MAP3K9: variants seen among roughly 807,000 people sequenced by gnomAD.
MAP3K9 encodes the protein mixed lineage kinase 1 (tyr and ser/thr specificity).
Under a neutral mutation model 95.8 loss-of-function variants are expected in MAP3K9, and 46 were observed. That is an observed-to-expected ratio of 0.48 (90% CI 0.38 to 0.61). The LOEUF is 0.61. Among genes scored for constraint, MAP3K9 ranks in the 20% least tolerant of loss-of-function variants. The probability of loss-of-function intolerance (pLI) is 0.00; values close to 1 mark genes in which losing one functional copy is unlikely to be tolerated. For missense variants in MAP3K9, 1,296 were observed against 1,474.3 expected (o/e 0.88, Z 1.98); for synonymous variants, 533 against 593.8 (o/e 0.90, Z 1.49).
rs1266675185 is a variant in MAP3K9 at position 70,800,712 on chromosome 14, C to T, written c.775G>A (p.Glu259Lys). 3 of 1,614,050 alleles carry T rather than the reference C, an allele frequency of 1.9e-6. No homozygotes were observed. The highest frequency in any genetic ancestry group is 1.3e-5 in the African/African-American group (1 of 74,932). ...CGGTGGATGATGGGAACAATTGCCT[C>T]ATCATGTAAGTAGTTCATCCCTCTG... ...IARGMNYLHDEAIVPIIHRDL... is the reference protein window; with the variant it reads ...IARGMNYLHDKAIVPIIHRDL... The change falls in exon 2 of 12, where the codon GAG (glutamate) becomes AAG (lysine). Residue 259 changes from glutamate to lysine, a missense_variant. Glu to Lys is a moderately conservative substitution (Grantham distance 56, BLOSUM62 1). This residue lies in a region of MAP3K9 where 338 missense variants were observed against 363.4 expected (regional missense o/e 0.93). Coordinates refer to ENST00000554752, the MANE Select transcript of MAP3K9 (RefSeq NM_001284230.2).
rs138248972 is a variant in MAP3K9 at position 70,796,079 on chromosome 14, T to C, written c.820+4588A>G. 9.8e-4 allele frequency among the ~76,000 whole-genome samples: 149 copies of C among 152,308 alleles called. 1 individual carries two copies. The highest frequency in any genetic ancestry group is 1.9e-3 in the Non-Finnish European group (130 of 68,030). On this transcript the variant is annotated intron_variant, in intron 2 of 11. Transcript: ENST00000554752. ...CACTTATATAACTTTTAATGGCCACTATTAAACTGCTCTTCTGCCCAATGC... is the reference window on the plus strand; with the variant it reads ...CACTTATATAACTTTTAATGGCCACCATTAAACTGCTCTTCTGCCCAATGC...
intron 3 of MAP3K9, among the ~76,000 whole-genome samples, chr14:70,751,348 T>A (rs573027246): frequency 5.3e-5 from 8 of 152,324 alleles, no homozygotes; most frequent in African/African-American, 1.9e-4. Flanking sequence ...TGGCTCTCCT[T>A]ATGTTTTCAA....
At chr14:70,807,287 T>TC (rs1434896687) in intron 1 of MAP3K9, among the ~76,000 whole-genome samples, 1 of 152,220 alleles carries the variant, frequency 6.6e-6, no homozygotes, top group East Asian at 1.9e-4. Flanking sequence ...GGTCAGGAGT[T>TC]CGAGACCAGT....
chr14:70,750,398 G>A (rs2054208687), intron 3 of MAP3K9, among the ~76,000 whole-genome samples: 2 of 152,158 alleles, frequency 1.3e-5, no homozygotes, highest in South Asian at 4.1e-4. Context: ...GTCTGGCAAG[G>A]CTATTGTTGA....
chr14:70,786,081 T>C (rs1411412394), intron 2 of MAP3K9, among the ~76,000 whole-genome samples: 1 of 152,208 alleles, frequency 6.6e-6, no homozygotes, highest in Non-Finnish European at 1.5e-5. Context: ...GTTACACTAA[T>C]AATCTTAAGT....
At chr14:70,783,497 G>C in intron 2 of MAP3K9, 5 of 774,302 alleles carry the variant, frequency 6.5e-6, no homozygotes, top group Non-Finnish European at 7.8e-6. Context: ...CCATCACAAA[G>C]CTCTAAAGTT....
rs748168480 is a variant in MAP3K9, at chr14:70,738,409, C to T, written c.1691-11G>A. ...TTTCACCTGGTGTCACTGTGAATCA[C>T]AAGGGTTGGATAGGATCTAGAAAAT... On this transcript the variant is annotated splice_polypyrimidine_tract_variant and intron_variant, in intron 7 of 11. Coordinates refer to ENST00000554752, the MANE Select transcript of MAP3K9 (RefSeq NM_001284230.2). 2 of 1,613,334 alleles carry T rather than the reference C, an allele frequency of 1.2e-6. No homozygotes were observed. Among genetic ancestry groups the T allele is most frequent in the Admixed American group, 1.7e-5 (1 of 59,912 alleles).
intron 2 of MAP3K9, among the ~76,000 whole-genome samples, chr14:70,768,312 A>C: frequency 6.6e-6 from 1 of 152,286 alleles, no homozygotes; most frequent in Middle Eastern, 3.4e-3. Context: ...AATTAAAAAA[A>C]AATTTAAAGA....
intron 1 of MAP3K9, among the ~76,000 whole-genome samples, chr14:70,808,045 G>C (rs1048020686): frequency 1.3e-5 from 2 of 152,228 alleles, no homozygotes; most frequent in African/African-American, 4.8e-5. Flanking sequence ...TTCAGCCACT[G>C]TACCTTGCAA....
intron 1 of MAP3K9, among the ~76,000 whole-genome samples, chr14:70,803,749 C>G (rs1193736860): frequency 1.3e-5 from 2 of 152,174 alleles, no homozygotes; most frequent in African/African-American, 4.8e-5. Context: ...AGGTTATCAC[C>G]TTATCCAGCA....
intron 2 of MAP3K9, among the ~76,000 whole-genome samples, chr14:70,787,777 GT>G (rs112330402): frequency 0.014 from 2,142 of 152,174 alleles, 58 homozygotes; most frequent in African/African-American, 0.048. Context: ...CAGTAAAAGT[GT>G]TTTGAGTCCA....
intron 2 of MAP3K9, among the ~76,000 whole-genome samples, chr14:70,767,877 G>A (rs536681188): frequency 1.1e-4 from 16 of 152,162 alleles, no homozygotes; most frequent in Middle Eastern, 3.4e-3. Context: ...TGTATTGACC[G>A]GTTGGTCTTG....
intron 6 of MAP3K9, among the ~76,000 whole-genome samples, chr14:70,740,438 G>A (rs1278258029): frequency 6.6e-6 from 1 of 152,214 alleles, no homozygotes; most frequent in Non-Finnish European, 1.5e-5. Context: ...AGTTCAAGCA[G>A]TTATGTATTA....
At chr14:70,788,905 T>G (rs543618021) in intron 2 of MAP3K9, among the ~76,000 whole-genome samples, 58 of 152,274 alleles carry the variant, frequency 3.8e-4, no homozygotes, top group African/African-American at 1.4e-3. Flanking sequence ...TCCAGAGTCT[T>G]AAATGACACT....
rs1468824067 is a variant in MAP3K9 at position 70,760,915 on chromosome 14, T to G, written c.1001+87A>C. ...GACCTACTTCAGGTGCCTGGGATCC[T>G]AGGTAACCTCAATTCTCCAAGTCTT... On this transcript the variant is annotated intron_variant, in intron 3 of 11. Coordinates refer to ENST00000554752, the MANE Select transcript of MAP3K9 (RefSeq NM_001284230.2). The G allele has an allele frequency of 8.3e-6, 12 of 1,444,366 alleles. No homozygotes were observed. The Admixed American group carries it at 2.2e-4, about 27-fold the overall frequency. The allele number at this position is 1,444,366 out of a possible 1,614,324, so 89.5% of individuals were successfully genotyped here.
At position 70,728,176 on chromosome 14, in the gene MAP3K9, C is replaced by T. The variant is rs2053845842; in HGVS notation, c.*2204G>A. 8.0e-6 allele frequency: 1 copy of T among 124,246 alleles called. No individual in the cohort carries two copies. The highest frequency in any genetic ancestry group is 1.6e-5 in the Non-Finnish European group (1 of 63,304). The allele number at this position is 124,246 out of a possible 1,614,324, so 7.7% of individuals were successfully genotyped here. ...CTCTCTTGTTGCCCAGGCTGGAGTG[C>T]AATGGCGCAATCTTGGCTCACTGCA... On this transcript the variant is annotated 3_prime_UTR_variant, in exon 12 of 12. Coordinates refer to ENST00000554752, the MANE Select transcript of MAP3K9 (RefSeq NM_001284230.2).
intron 2 of MAP3K9, 145 bp from the exon 3 acceptor site, chr14:70,761,327 T>G (rs2054371936): frequency 1.5e-6 from 1 of 656,056 alleles, no homozygotes; most frequent in African/African-American, 1.8e-5. Context: ...GAGCCATCAT[T>G]TCTTAAACAC....
chr14:70,766,886 T>A (rs1323599460), intron 2 of MAP3K9, among the ~76,000 whole-genome samples: 1 of 152,214 alleles, frequency 6.6e-6, no homozygotes, highest in Non-Finnish European at 1.5e-5. Context: ...TTTCCTGAAT[T>A]CTTCCTTCAG....
chr14:70,780,177 C>T (rs1202242610), intron 2 of MAP3K9, among the ~76,000 whole-genome samples: 1 of 152,206 alleles, frequency 6.6e-6, no homozygotes. Context: ...GGAGAAACAA[C>T]CCAAAGCACC....
Sources: allele counts gnomAD v4.1 joint callset (sites outside exome capture counted in the v4.1 genomes callset), GRCh38; gene constraint gnomAD v4.1.1; regional missense constraint gnomAD v4.1.1; transcripts MANE v1.5; gene names NCBI Gene and HGNC (gene_info 2026-07-23, HGNC 2026-07-21).